The following MACF1 variants were observed in gnomAD, a reference collection of about 807,000 sequenced individuals.
The protein encoded by MACF1 is microtubule actin crosslinking factor 1.
Under a neutral mutation model 854.8 loss-of-function variants are expected in MACF1, and 193 were observed. The observed-to-expected ratio is 0.23, with a 90% CI of 0.20 to 0.25. MACF1 has a LOEUF of 0.25. Ranked by LOEUF, MACF1 falls within the 10% of genes least tolerant of loss-of-function variation. The pLI is 1.00. For missense variants in MACF1, 7,722 were observed against 8,929.1 expected (o/e 0.86, Z 5.45); for synonymous variants, 3,185 against 3,226.7 (o/e 0.99, Z 0.44).
intron 6 of MACF1, among the ~76,000 whole-genome samples, chr1:39,264,926 G>A (rs1275409828): frequency 2.1e-4 from 32 of 150,840 alleles, no homozygotes; most frequent in African/African-American, 1.5e-4. Flanking sequence ...CACCCGCCTC[G>A]GCCTCCCAAA....
At chr1:39,472,005 G>A (rs892181968) in intron 97 of MACF1, among the ~76,000 whole-genome samples, 3 of 152,068 alleles carry the variant, frequency 2.0e-5, no homozygotes, top group African/African-American at 7.2e-5. Flanking sequence ...TAACATGCCC[G>A]CATCAGCCAG....
chr1:39,202,062 G>A (rs867375460), upstream of MACF1, among the ~76,000 whole-genome samples: 21 of 130,994 alleles, frequency 1.6e-4, no homozygotes, highest in African/African-American at 5.6e-4. Flanking sequence ...TGCCTCCCGG[G>A]TTCAAACCAT....
chr1:39,334,200 G>A lies in MACF1; in HGVS notation c.7612G>A (p.Val2538Ile). The change falls in exon 37 of 101, where the codon GTT becomes ATT. Residue 2538 changes from valine to isoleucine, a missense_variant. Coordinates refer to ENST00000564288, the MANE Select transcript of MACF1 (RefSeq NM_001394062.1). ...GEDLAEKLKR[V>I]ENLNIHQIFN... Reference sequence around the variant, plus strand: ...AGATTTAGCCGAGAAACTCAAAAGAGTTGAGAACTTAAACATCCATCAGAT... The same window carrying A: ...AGATTTAGCCGAGAAACTCAAAAGAATTGAGAACTTAAACATCCATCAGAT... 2 of 1,614,156 alleles carry A rather than the reference G, an allele frequency of 1.2e-6. No homozygotes were observed. Among genetic ancestry groups the A allele is most frequent in the Non-Finnish European group, 1.7e-6 (2 of 1,180,000 alleles).
intron 2 of MACF1, among the ~76,000 whole-genome samples, chr1:39,098,102 G>C (rs1036376742): frequency 6.6e-6 from 1 of 152,232 alleles, no homozygotes; most frequent in African/African-American, 2.4e-5. Context: ...AAGAGAGATT[G>C]GGTATGGTTC....
At chr1:39,193,279 T>C (rs965692587) in intron 2 of MACF1, among the ~76,000 whole-genome samples, 1 of 152,086 alleles carries the variant, frequency 6.6e-6, no homozygotes, top group Non-Finnish European at 1.5e-5. Context: ...TAGATAGATA[T>C]TATTTCATTG....
At chr1:39,411,133 C>T (rs1642980328) in intron 58 of MACF1, 1 of 1,613,670 alleles carries the variant, frequency 6.2e-7, no homozygotes, top group Non-Finnish European at 8.5e-7. Context: ...AATGCCACCT[C>T]TCTCCCCTTG....
At chr1:39,237,548 A>T (rs1229838226) in intron 2 of MACF1, among the ~76,000 whole-genome samples, 1 of 152,212 alleles carries the variant, frequency 6.6e-6, no homozygotes, top group Non-Finnish European at 1.5e-5. Flanking sequence ...AAGTAAGTAA[A>T]GGTGTTTTAT....
intron 99 of MACF1, among the ~76,000 whole-genome samples, chr1:39,484,193 C>T (rs982101833): frequency 1.3e-5 from 2 of 152,188 alleles, no homozygotes; most frequent in African/African-American, 4.8e-5. Context: ...ATACTTGAAT[C>T]TCCATATCAA....
At chr1:39,349,141 T>C (rs1647123667) in intron 41 of MACF1, among the ~76,000 whole-genome samples, 1 of 152,220 alleles carries the variant, frequency 6.6e-6, no homozygotes, top group Non-Finnish European at 1.5e-5. Flanking sequence ...ATTATTATCA[T>C]CACCATTATC....
intron 31 of MACF1, among the ~76,000 whole-genome samples, chr1:39,322,212 C>G (rs1462923411): frequency 6.6e-6 from 1 of 152,216 alleles, no homozygotes; most frequent in Admixed American, 6.5e-5. Context: ...GGTCAGACTG[C>G]AACTAAGGCG....
chr1:39,208,350 C>T (rs1644477069), intron 1 of MACF1, among the ~76,000 whole-genome samples: 1 of 151,958 alleles, frequency 6.6e-6, no homozygotes, highest in Admixed American at 6.6e-5. Context: ...AATACGAGTT[C>T]CTATTCTGTG....
At chr1:39,275,079 CTTTT>C (rs765812955) in intron 6 of MACF1, among the ~76,000 whole-genome samples, 1 of 138,068 alleles carries the variant, frequency 7.2e-6, no homozygotes. Flanking sequence ...CAATAAGATA[CTTTT>C]TTTTTTTTTT....
At position 39,292,127 on chromosome 1, in the gene MACF1, G is replaced by C. The variant is rs16826036; in HGVS notation, c.1914+89G>C. On this transcript the variant is annotated intron_variant, in intron 16 of 100. Coordinates refer to ENST00000564288, the MANE Select transcript of MACF1 (RefSeq NM_001394062.1). ...CACACAATAAAGCTGTATTGAAGGA[G>C]GAGGGTGCTCTGGAAAAGAATAATG... 284,081 of 1,446,932 alleles carry C rather than the reference G, an allele frequency of 0.2. 29,721 individuals are homozygous for C. Among genetic ancestry groups the C allele is most frequent in the Non-Finnish European group, 0.21 (228,446 of 1,073,314 alleles). 89.6% of individuals were successfully genotyped at this position (1,446,932 alleles called of 1,614,324 possible).
intron 6 of MACF1, among the ~76,000 whole-genome samples, chr1:39,264,929 C>T (rs1313684162): frequency 6.6e-6 from 1 of 152,070 alleles, no homozygotes; most frequent in African/African-American, 2.4e-5. Flanking sequence ...CCGCCTCGGC[C>T]TCCCAAAGTG....
chr1:39,474,307 T>A (rs1255419658), intron 97 of MACF1, among the ~76,000 whole-genome samples: 1 of 152,042 alleles, frequency 6.6e-6, no homozygotes, highest in Non-Finnish European at 1.5e-5. Flanking sequence ...GAGAATCGCT[T>A]GAACCCAGGA....
Position 39,316,496 on chromosome 1 carries a change from C to G in MACF1, c.3555C>G (p.Leu1185=). ...LSQEEVVLAD[L]SALEAHWSTL... ...AAGAAGAAGTAGTACTGGCAGATCT[C>G]TCAGCTCTGGAGGCCCATTGGTCGA... Residue 1185 remains leucine, a synonymous_variant, in exon 28 of 101, where the codon CTC becomes CTG. Transcript: ENST00000564288. The G allele has an allele frequency of 6.2e-7, 1 of 1,613,792 alleles. No homozygotes were observed. The highest frequency in any genetic ancestry group is 8.5e-7 in the Non-Finnish European group (1 of 1,179,806).
In MACF1 at chr1:39,309,536, C is replaced by G. The variant is rs192917713; in HGVS notation, c.2790-34C>G. Reference sequence around the variant, plus strand: ...TCTCTAATGTGGAGCTGAAGTCTTACAAAGGTAATAGTCAGGTTCTGTGTT... The same window carrying G: ...TCTCTAATGTGGAGCTGAAGTCTTAGAAAGGTAATAGTCAGGTTCTGTGTT... On this transcript the variant is annotated intron_variant, in intron 23 of 100. Transcript: ENST00000564288. The G allele has an allele frequency of 1.6e-4, 260 of 1,612,184 alleles. 2 individuals carry two copies. In the Middle Eastern group the frequency reaches 2.2e-3, roughly 13 times the overall value.
In MACF1 at chr1:39,473,785, C is replaced by T. The variant is rs371121671; in HGVS notation, c.21958+4170C>T. On this transcript the variant is annotated intron_variant, in intron 97 of 100. Transcript: ENST00000564288. The stretch of plus-strand genomic sequence containing the variant: ...TTACTGAAACCCTAAATGCAAGCCT[C>T]GCACTGGGATCCAAAGGTAAATTAA... 8.3e-4 allele frequency among the ~76,000 whole-genome samples: 127 copies of T among 152,164 alleles called. 1 individual carries two copies. The South Asian group carries it at 0.013, about 16-fold the overall frequency.
chr1:39,152,871 C>T (rs1643612098), intron 2 of MACF1, among the ~76,000 whole-genome samples: 1 of 147,072 alleles, frequency 6.8e-6, no homozygotes, highest in Admixed American at 6.8e-5. Flanking sequence ...AAAAAAAAGG[C>T]AGTTGGTGGC....
Sources: allele counts gnomAD v4.1 joint callset (sites outside exome capture counted in the v4.1 genomes callset), GRCh38; gene constraint gnomAD v4.1.1; transcripts MANE v1.5; gene names NCBI Gene and HGNC (gene_info 2026-07-23, HGNC 2026-07-21).